The following ZDHHC11B variants were observed in gnomAD, a reference collection of about 807,000 sequenced individuals.
ZDHHC11B encodes zDHHC palmitoyltransferase 11B (putative).
In ZDHHC11B, 17 loss-of-function variants were observed where a neutral mutation model predicts 42.3. That is an observed-to-expected ratio of 0.40 (90% confidence interval 0.27 to 0.60). The LOEUF (loss-of-function observed/expected upper bound fraction) is 0.60, where lower values mean the gene tolerates loss of function less well. ZDHHC11B is among the 20% of genes least tolerant of loss of function. ZDHHC11B has a pLI of 0.41. For synonymous variants in ZDHHC11B, 123 were observed against 193.5 expected (o/e 0.64, Z 3.02); for missense variants, 262 against 463.2 (o/e 0.57, Z 3.99).
At chr5:766,273 C>A (rs538803864) in intron 4 of ZDHHC11B, among the ~76,000 whole-genome samples, 5 of 149,380 alleles carry the variant, frequency 3.3e-5, no homozygotes, top group Non-Finnish European at 7.4e-5. Context: ...GGGCTTCCCC[C>A]TCTTTGGGAG....
At chr5:718,940 G>A (rs1487015909) in intron 12 of ZDHHC11B, among the ~76,000 whole-genome samples, 1 of 151,760 alleles carries the variant, frequency 6.6e-6, no homozygotes. Context: ...ACAGAGGCTT[G>A]CCTTGGTTTT....
chr5:744,947 T>C (rs1247876895), intron 9 of ZDHHC11B, among the ~76,000 whole-genome samples: 1 of 147,198 alleles, frequency 6.8e-6, no homozygotes, highest in African/African-American at 2.5e-5. Flanking sequence ...TCCAGGAGAC[T>C]CAGTTCCTTT....
At chr5:756,979 T>C (rs1367825984) in intron 4 of ZDHHC11B, among the ~76,000 whole-genome samples, 1 of 151,726 alleles carries the variant, frequency 6.6e-6, no homozygotes, top group Non-Finnish European at 1.5e-5. Context: ...AGCCTGGCTG[T>C]GGGGGCACTG....
intron 11 of ZDHHC11B, among the ~76,000 whole-genome samples, chr5:731,750 A>G (rs1249552146): frequency 6.6e-6 from 1 of 151,916 alleles, no homozygotes; most frequent in Non-Finnish European, 1.5e-5. Context: ...TTTGGTATCT[A>G]TCAAAGAAGA....
intron 4 of ZDHHC11B, among the ~76,000 whole-genome samples, chr5:764,709 C>T (rs551239695): frequency 5.3e-5 from 8 of 152,024 alleles, no homozygotes; most frequent in Middle Eastern, 6.8e-3. Flanking sequence ...CTGCGGCACC[C>T]GGTCCCATCC....
intron 1 of ZDHHC11B, among the ~76,000 whole-genome samples, chr5:771,179 C>T (rs1735998680): frequency 6.6e-6 from 1 of 151,878 alleles, no homozygotes; most frequent in Non-Finnish European, 1.5e-5. Context: ...ACTCACGAAG[C>T]CCTCTCAGAT....
intron 1 of ZDHHC11B, among the ~76,000 whole-genome samples, chr5:776,763 G>A (rs868673212): frequency 3.1e-4 from 47 of 152,040 alleles, no homozygotes; most frequent in Middle Eastern, 3.4e-3. Flanking sequence ...TGCCGAGGAG[G>A]TGCTTCCCCA....
intron 13 of ZDHHC11B, among the ~76,000 whole-genome samples, chr5:714,716 C>G (rs908169964): frequency 1.5e-5 from 2 of 131,450 alleles, no homozygotes; most frequent in African/African-American, 5.3e-5. Flanking sequence ...AATCACTAAT[C>G]AAGCTCTGCC....
At chr5:767,071 G>A (rs568404745) in intron 3 of ZDHHC11B, 152 bp from the exon 4 acceptor site, 73 of 1,006,822 alleles carry the variant, frequency 7.3e-5, no homozygotes, top group Admixed American at 7.1e-4. Context: ...CACGTTCCCC[G>A]CAGAGGGAGC....
intron 1 of ZDHHC11B, among the ~76,000 whole-genome samples, chr5:777,798 C>G (rs956657042): frequency 6.6e-6 from 1 of 151,998 alleles, no homozygotes; most frequent in Non-Finnish European, 1.5e-5. Context: ...GCAGGCGGAG[C>G]TGCCCGCCAG....
At chr5:722,185 C>T (rs1435165762) in intron 12 of ZDHHC11B, among the ~76,000 whole-genome samples, 1 of 151,838 alleles carries the variant, frequency 6.6e-6, no homozygotes, top group Non-Finnish European at 1.5e-5. Context: ...AAAAGCATTA[C>T]TTATACAATA....
Position 760,885 on chromosome 5 carries a change from C to A in ZDHHC11B, c.223-4741G>T, listed in dbSNP as rs1348084611. On this transcript the variant is annotated intron_variant, in intron 4 of 13. Coordinates refer to ENST00000508859, the MANE Select transcript of ZDHHC11B (RefSeq NM_001351303.2). ...CCTCCTGACAGTGCAGCGGGACAGG[C>A]CACCACCACCTGTGCAGCGTTCTTC... Among the ~76,000 whole-genome samples the A allele has an allele frequency of 1.3e-5, 2 of 151,380 alleles. 1 individual carries two copies. Among genetic ancestry groups the A allele is most frequent in the African/African-American group, 4.9e-5 (2 of 41,190 alleles).
intron 4 of ZDHHC11B, among the ~76,000 whole-genome samples, chr5:766,104 T>G (rs1486354586): frequency 6.6e-6 from 1 of 151,832 alleles, no homozygotes; most frequent in Non-Finnish European, 1.5e-5. Flanking sequence ...CTGGAGGTAG[T>G]GCAGAGCCCA....
chr5:753,442 C>G (rs1387334672), intron 6 of ZDHHC11B, among the ~76,000 whole-genome samples: 2 of 131,498 alleles, frequency 1.5e-5, no homozygotes, highest in African/African-American at 2.5e-5. Flanking sequence ...CACTTGGCAC[C>G]CACGTGGTCC....
intron 1 of ZDHHC11B, among the ~76,000 whole-genome samples, chr5:772,504 A>C (rs1736143133): frequency 6.6e-6 from 1 of 151,914 alleles, no homozygotes; most frequent in African/African-American, 2.4e-5. Context: ...GGCCACCTGC[A>C]GTGGGTGTGA....
At chr5:728,539 A>G (rs1253345436) in intron 12 of ZDHHC11B, among the ~76,000 whole-genome samples, 1 of 151,942 alleles carries the variant, frequency 6.6e-6, no homozygotes, top group African/African-American at 2.4e-5. Flanking sequence ...TTTCCTGACA[A>G]GAATAAAACA....
intron 1 of ZDHHC11B, among the ~76,000 whole-genome samples, chr5:778,164 A>T (rs1736700327): frequency 6.6e-6 from 1 of 151,828 alleles, no homozygotes; most frequent in African/African-American, 2.4e-5. Context: ...ATTAAACCAC[A>T]TGCCCAGCCA....
chr5:777,937 T>G (rs1457157402), intron 1 of ZDHHC11B, among the ~76,000 whole-genome samples: 1 of 151,776 alleles, frequency 6.6e-6, no homozygotes, highest in Non-Finnish European at 1.5e-5. Context: ...GGCCTCGGCA[T>G]GGCGGTCGGC....
chr5:771,801 G>T (rs1435331854), intron 1 of ZDHHC11B, among the ~76,000 whole-genome samples: 1 of 148,646 alleles, frequency 6.7e-6, no homozygotes, highest in African/African-American at 2.5e-5. Context: ...TCAGGGCTGC[G>T]TTCTGTGGTC....
Sources: gnomAD v4.1 joint callset for allele counts (sites outside exome capture counted in the v4.1 genomes callset) on GRCh38, gnomAD v4.1.1 for gene constraint, MANE v1.5 for transcripts, NCBI Gene and HGNC (gene_info 2026-07-23, HGNC 2026-07-21) for gene names.